LYSMD1: variants seen among roughly 807,000 people sequenced by gnomAD.
The protein encoded by LYSMD1 is LysM domain containing 1.
LYSMD1 carries 9 observed loss-of-function variants against 19.3 expected under a neutral mutation model. The observed-to-expected ratio is 0.47, with a 90% CI of 0.28 to 0.81. The LOEUF (loss-of-function observed/expected upper bound fraction) is 0.81. LYSMD1 is among the 40% of genes least tolerant of loss of function. LYSMD1 has a pLI of 0.11. For synonymous variants in LYSMD1, 111 were observed against 111.7 expected (o/e 0.99, Z 0.04); for missense variants, 262 against 279.8 (o/e 0.94, Z 0.45).
At position 151,162,095 on chromosome 1, in the gene LYSMD1, T is replaced by C. The variant is rs1683479568; in HGVS notation, c.186A>G (p.Glu62=). ...GLALKYGVTM[E]QIKRANRLYT... The stretch of plus-strand genomic sequence containing the variant: ...AAAGGCGGTTTGCACGTTTAATCTG[T>C]TCCATCTTAAAAAAAAAAGTCACCA... The change falls in exon 2 of 3, where the codon GAA becomes GAG. Residue 62 remains glutamate, a synonymous_variant. Transcript: ENST00000368908. The C allele has an allele frequency of 6.4e-7, 1 of 1,564,228 alleles. No homozygotes were observed. The highest frequency in any genetic ancestry group is 2.2e-5 in the East Asian group (1 of 44,736).
the LYSMD1 span, among the ~76,000 whole-genome samples, chr1:151,150,861 C>T: frequency 6.6e-6 from 1 of 151,812 alleles, no homozygotes; most frequent in African/African-American, 2.4e-5. Flanking sequence ...ATCTCAGCCT[C>T]CCGAGTAGCT....
downstream of LYSMD1, chr1:151,159,737 C>T (rs1683364644): frequency 3.3e-5 from 6 of 179,196 alleles, no homozygotes; most frequent in East Asian, 1.7e-4. Flanking sequence ...GGAAATAAAA[C>T]TACTAAAATA....
chr1:151,164,450 C>T (rs1683582472), intron 1 of LYSMD1, among the ~76,000 whole-genome samples: 1 of 152,182 alleles, frequency 6.6e-6, no homozygotes, highest in African/African-American at 2.4e-5. Context: ...ACCCCATCAA[C>T]TTCAATGCTG....
rs1257257220 is a variant in LYSMD1 at position 151,160,047 on chromosome 1, A to T, written c.*835T>A. The T allele has an allele frequency of 1.3e-5, 2 of 151,716 alleles. No homozygotes were observed. The highest frequency in any genetic ancestry group is 6.6e-5 in the Admixed American group (1 of 15,188). The allele number at this position is 151,716 out of a possible 1,614,324, so 9.4% of individuals were successfully genotyped here. On this transcript the variant is annotated 3_prime_UTR_variant, in exon 3 of 3. Coordinates refer to ENST00000368908, the MANE Select transcript of LYSMD1 (RefSeq NM_212551.5). The stretch of plus-strand genomic sequence containing the variant: ...GACTCCCACAACTGGCTTCCTCTTC[A>T]AACCCCAAGGAAAGCCTTCTTCCAT...
the LYSMD1 span, among the ~76,000 whole-genome samples, chr1:151,148,773 T>TA: frequency 2.0e-5 from 3 of 151,610 alleles, no homozygotes; most frequent in South Asian, 4.2e-4. Context: ...GCAGCATGGA[T>TA]AAAAAAAAGG....
chr1:151,150,215 C>G, the LYSMD1 span, among the ~76,000 whole-genome samples: 7 of 152,178 alleles, frequency 4.6e-5, no homozygotes, highest in African/African-American at 9.7e-5. Context: ...CTCGGCCTCT[C>G]GAACTGCTGG....
the LYSMD1 span, among the ~76,000 whole-genome samples, chr1:151,153,489 C>T: frequency 6.7e-6 from 1 of 150,308 alleles, no homozygotes; most frequent in East Asian, 2.0e-4. Flanking sequence ...CCCATCTCTA[C>T]TTAAAATACA....
chr1:151,165,228 C>G lies in LYSMD1; in HGVS notation c.31G>C (p.Gly11Arg). Residue 11 changes from glycine to arginine, a missense_variant, in exon 1 of 3, where the codon GGG becomes CGG. Transcript: ENST00000368908. ...CTCCCTTGAAGCAGTCCTGACCCCC[C>G]TGGCGGGGGCTGTCTAGACGGGGAA... The part of the protein sequence containing the change: MASPSRQPPP[G>R]GSGLLQGSRA... 1 of 1,613,996 alleles carries G rather than the reference C, an allele frequency of 6.2e-7. No individual in the cohort carries two copies. Among genetic ancestry groups the G allele is most frequent in the South Asian group, 1.1e-5 (1 of 91,068 alleles).
At chr1:151,151,283 G>A in the LYSMD1 span, among the ~76,000 whole-genome samples, 1 of 150,984 alleles carries the variant, frequency 6.6e-6, no homozygotes, top group East Asian at 2.0e-4. Context: ...TCCGCCTCCC[G>A]GGTTCACACC....
intron 2 of LYSMD1, 38 bp from the exon 3 acceptor site, chr1:151,161,058 A>C (rs781246353): frequency 1.9e-6 from 3 of 1,608,840 alleles, no homozygotes; most frequent in Non-Finnish European, 1.7e-6. Flanking sequence ...TGACAGATCA[A>C]GGGAAGAACC....
chr1:151,152,968 A>G, the LYSMD1 span, among the ~76,000 whole-genome samples: 958 of 152,348 alleles, frequency 6.3e-3, 7 homozygotes, highest in Non-Finnish European at 0.01. Flanking sequence ...AATTGCTCAA[A>G]AAAGTACTAT....
At chr1:151,161,276 T>G (rs1381831492) in intron 2 of LYSMD1, among the ~76,000 whole-genome samples, 6 of 152,126 alleles carry the variant, frequency 3.9e-5, no homozygotes, top group African/African-American at 1.4e-4. Flanking sequence ...GGCTGGCGGA[T>G]CACGAGGTCA....
chr1:151,153,314 G>T, the LYSMD1 span, among the ~76,000 whole-genome samples: 2 of 152,076 alleles, frequency 1.3e-5, no homozygotes, highest in African/African-American at 4.8e-5. Context: ...TGAGCAGTGT[G>T]AGCCACTGTA....
At chr1:151,156,366 C>G (rs1226592966), downstream of LYSMD1, among the ~76,000 whole-genome samples, 2 of 152,148 alleles carry the variant, frequency 1.3e-5, no homozygotes, top group East Asian at 3.8e-4. Context: ...GAAATTTGGG[C>G]TTTACATCCT....
intron 2 of LYSMD1, 128 bp downstream of exon 2, chr1:151,161,608 C>T: frequency 8.2e-7 from 1 of 1,213,876 alleles, no homozygotes; most frequent in African/African-American, 1.5e-5. Context: ...ATCTTGGGGC[C>T]ACATGGGGGA....
At chr1:151,158,493 G>A (rs1433550009), downstream of LYSMD1, among the ~76,000 whole-genome samples, 3 of 151,978 alleles carry the variant, frequency 2.0e-5, no homozygotes, top group Non-Finnish European at 4.4e-5. Flanking sequence ...GTCAAGATTT[G>A]CTACAGCACT....
chr1:151,165,366 C>A lies in LYSMD1; in HGVS notation c.-108G>T, dbSNP rs919477182. 8.0e-5 allele frequency: 120 copies of A among 1,499,314 alleles called. No individual in the cohort carries two copies. Among genetic ancestry groups the A allele is most frequent in the Non-Finnish European group, 9.3e-5 (105 of 1,125,554 alleles). The allele number at this position is 1,499,314 out of a possible 1,614,324, so 92.9% of individuals were successfully genotyped here. A position where few individuals can be genotyped will look rare whatever the true frequency, so the allele number is the denominator to read the frequency against. On this transcript the variant is annotated 5_prime_UTR_variant, in exon 1 of 3. The change creates a new upstream start codon in the 5' untranslated region. Transcript: ENST00000368908. Reference sequence around the variant, plus strand: ...GAATATTCAGGGGATTCCTTTCCCCCTCTCTCTTCCCCTGTGTCCCCGCCT... The same window carrying A: ...GAATATTCAGGGGATTCCTTTCCCCATCTCTCTTCCCCTGTGTCCCCGCCT...
intron 1 of LYSMD1, among the ~76,000 whole-genome samples, chr1:151,162,795 G>A (rs1206434412): frequency 6.6e-6 from 1 of 152,022 alleles, no homozygotes; most frequent in Non-Finnish European, 1.5e-5. Context: ...CTCACATCTG[G>A]TCTCACCTTC....
rs1190163484 is a variant in LYSMD1 at position 151,161,724 on chromosome 1, T to C, written c.545+12A>G. On this transcript the variant is annotated intron_variant, in intron 2 of 2. Transcript: ENST00000368908. ...CTAGGGAGGAACTTATAAGGAACCA[T>C]TCAAGACTCACCCATTTTCCCCTTT... 2 of 1,606,890 alleles carry C rather than the reference T, an allele frequency of 1.2e-6. No homozygotes were observed. The highest frequency in any genetic ancestry group is 1.7e-6 in the Non-Finnish European group (2 of 1,178,208).
Sources: allele counts gnomAD v4.1 joint callset (sites outside exome capture counted in the v4.1 genomes callset), GRCh38; gene constraint gnomAD v4.1.1; transcripts MANE v1.5; gene names NCBI Gene and HGNC (gene_info 2026-07-23, HGNC 2026-07-21).